CDH22: variants seen among roughly 807,000 people sequenced by gnomAD.
The protein encoded by CDH22 is cadherin 22, also known as cadherin-22.
A neutral mutation model predicts 58.4 loss-of-function variants in CDH22; 30 were observed. That is an observed-to-expected ratio of 0.51 (90% CI 0.38 to 0.70). The LOEUF (loss-of-function observed/expected upper bound fraction) is 0.70. Ranked by LOEUF, CDH22 falls within the 30% of genes least tolerant of loss-of-function variation. The pLI, the probability that CDH22 is intolerant of heterozygous loss-of-function variation, is 0.00. For synonymous variants in CDH22, 513 were observed against 558.2 expected (o/e 0.92, Z 1.14); for missense variants, 1,014 against 1,233.9 (o/e 0.82, Z 2.67).
chr20:46,178,586 C>CTGTTTTTTTTTTTTTTTTTTTTT (rs2085759415), intron 10 of CDH22, among the ~76,000 whole-genome samples: 1 of 95,376 alleles, frequency 1.0e-5, no homozygotes, highest in Non-Finnish European at 2.0e-5. Context: ...CTGGCGTTGT[C>CTGTTTTTTTTTTTTTTTTTTTTT]TTTTTTTTTT....
At chr20:46,231,917 T>C (rs1220375919) in intron 3 of CDH22, among the ~76,000 whole-genome samples, 1 of 152,194 alleles carries the variant, frequency 6.6e-6, no homozygotes, top group South Asian at 2.1e-4. Flanking sequence ...TGAGCTGCTA[T>C]GAGGATTAGA....
rs553639390 is a variant in CDH22, at chr20:46,180,105, A to C, written c.1664-1908T>G. ...GTTACAGCACTTGTCACGTTGTGTT[A>C]AGTTAGTGTGTGCCTGTTTCTCCAC... On this transcript the variant is annotated intron_variant, in intron 10 of 11. Transcript: ENST00000537909. Among the ~76,000 whole-genome samples the C allele has an allele frequency of 2.6e-5, 4 of 152,298 alleles. No individual in the cohort carries two copies. In the South Asian group the frequency reaches 8.3e-4, roughly 32 times the overall value.
intron 1 of CDH22, among the ~76,000 whole-genome samples, chr20:46,276,707 C>A (rs1458345297): frequency 1.3e-5 from 2 of 152,174 alleles, no homozygotes; most frequent in East Asian, 3.9e-4. Flanking sequence ...GTTGGACTTT[C>A]AGGGGTGACT....
intron 1 of CDH22, among the ~76,000 whole-genome samples, chr20:46,256,596 T>C (rs1005216792): frequency 6.6e-6 from 1 of 151,356 alleles, no homozygotes; most frequent in African/African-American, 2.4e-5. Context: ...GGTCAGAGAG[T>C]GTGGGGGTGG....
Position 46,300,829 on chromosome 20 carries a change from A to T in CDH22, c.-400+7426T>A, listed in dbSNP as rs561189983. On this transcript the variant is annotated intron_variant, in intron 1 of 11. Transcript: ENST00000537909. This position sits in a 1 kb window ranked among gnomAD's most constrained non-coding sequence, Gnocchi z 4.4. ...GAAATCATCGGACAAGAGCGTGAAGATGTGTGTACAAGGATGTTCATGGCA... is the reference window on the plus strand; with the variant it reads ...GAAATCATCGGACAAGAGCGTGAAGTTGTGTGTACAAGGATGTTCATGGCA... Among the ~76,000 whole-genome samples, 1 of 152,356 alleles carries T rather than the reference A, an allele frequency of 6.6e-6. No individual in the cohort carries two copies. Among genetic ancestry groups the T allele is most frequent in the Non-Finnish European group, 1.5e-5 (1 of 68,038 alleles).
intron 1 of CDH22, among the ~76,000 whole-genome samples, chr20:46,304,751 G>A (rs1450815195): frequency 6.6e-6 from 1 of 152,246 alleles, no homozygotes; most frequent in Non-Finnish European, 1.5e-5. Context: ...CATTGTAAGA[G>A]AGCTGAGCTA....
chr20:46,289,338 C>T (rs942620824), intron 1 of CDH22, among the ~76,000 whole-genome samples: 7 of 152,210 alleles, frequency 4.6e-5, no homozygotes, highest in Non-Finnish European at 8.8e-5. Flanking sequence ...CTCCATAACA[C>T]TTATCACTAT....
chr20:46,182,601 C>T (rs966418744), intron 10 of CDH22, among the ~76,000 whole-genome samples: 1 of 152,194 alleles, frequency 6.6e-6, no homozygotes, highest in East Asian at 1.9e-4. Context: ...CAGGCATCAA[C>T]CCTGAATGCA....
At chr20:46,237,815 C>T (rs1049508532) in intron 3 of CDH22, among the ~76,000 whole-genome samples, 2 of 152,168 alleles carry the variant, frequency 1.3e-5, no homozygotes, top group African/African-American at 4.8e-5. Flanking sequence ...TCTCAGTTTC[C>T]CCACCTGTGA....
rs2059033308 is a variant in CDH22, at chr20:46,308,454, C to T, written c.-599G>A. On this transcript the variant is annotated 5_prime_UTR_variant, in exon 1 of 12. Transcript: ENST00000537909. This position sits in a 1 kb window ranked among gnomAD's most constrained non-coding sequence, Gnocchi z 4.3. ...GCGAGAGAGCGAGAGAGCGAGAGAG[C>T]GAGGGAGTGAGCGAGCGAGCGGGAG... 2 of 216,812 alleles carry T rather than the reference C, an allele frequency of 9.2e-6. No homozygotes were observed. Among genetic ancestry groups the T allele is most frequent in the African/African-American group, 2.4e-5 (1 of 42,398 alleles). The allele number at this position is 216,812 out of a possible 1,614,324, so 13.4% of individuals were successfully genotyped here.
chr20:46,178,270 T>C, intron 10 of CDH22, 73 bp from the exon 11 acceptor site: 4 of 1,537,284 alleles, frequency 2.6e-6, no homozygotes, highest in Admixed American at 3.5e-5. Flanking sequence ...CACCTCCTGA[T>C]TGCATCGTGA....
chr20:46,261,835 TG>T (rs1339396705), intron 1 of CDH22, among the ~76,000 whole-genome samples: 4 of 152,128 alleles, frequency 2.6e-5, no homozygotes, highest in Admixed American at 2.6e-4. Context: ...GGAGGGGTGC[TG>T]GGAAGAGCCA....
intron 1 of CDH22, among the ~76,000 whole-genome samples, chr20:46,278,837 C>T (rs183971124): frequency 6.6e-6 from 1 of 152,342 alleles, no homozygotes; most frequent in East Asian, 1.9e-4. Context: ...ATCCTCTCGC[C>T]TTGGCCTCCC....
chr20:46,183,954 G>C (rs574945442), intron 10 of CDH22, among the ~76,000 whole-genome samples: 34 of 152,206 alleles, frequency 2.2e-4, no homozygotes, highest in African/African-American at 7.9e-4. Flanking sequence ...TCACCACAGG[G>C]CCTTTGCACT....
chr20:46,236,466 T>G (rs919520826), intron 3 of CDH22, among the ~76,000 whole-genome samples: 14 of 145,742 alleles, frequency 9.6e-5, no homozygotes, highest in Middle Eastern at 3.6e-3. Context: ...TCAGGCATAT[T>G]AATATTCATT....
At chr20:46,252,471 A>G (rs892098189) in intron 1 of CDH22, among the ~76,000 whole-genome samples, 14 of 152,246 alleles carry the variant, frequency 9.2e-5, no homozygotes, top group African/African-American at 3.4e-4. Flanking sequence ...CCTTCTCTCT[A>G]TCAGATCCTG....
At chr20:46,237,344 A>T (rs1216849041) in intron 3 of CDH22, among the ~76,000 whole-genome samples, 1 of 152,062 alleles carries the variant, frequency 6.6e-6, no homozygotes. Context: ...TTCCCTTTTA[A>T]GCTGTGAGTG....
chr20:46,247,673 T>G (rs537528078), intron 2 of CDH22, among the ~76,000 whole-genome samples: 43 of 152,196 alleles, frequency 2.8e-4, no homozygotes, highest in African/African-American at 7.9e-4. Flanking sequence ...GGGACAACTG[T>G]AATGTGCCCA....
At chr20:46,194,202 A>G (rs1366565500) in intron 8 of CDH22, among the ~76,000 whole-genome samples, 1 of 152,098 alleles carries the variant, frequency 6.6e-6, no homozygotes, top group Non-Finnish European at 1.5e-5. Context: ...GTCAGTGGCC[A>G]AGCCTCGTTC....
Sources: allele counts gnomAD v4.1 joint callset (sites outside exome capture counted in the v4.1 genomes callset), GRCh38; gene constraint gnomAD v4.1.1; non-coding constraint Gnocchi (gnomAD v3.1); transcripts MANE v1.5; gene names NCBI Gene and HGNC (gene_info 2026-07-23, HGNC 2026-07-21).